The following KDM4C variants were observed in gnomAD, a reference collection of about 807,000 sequenced individuals.
KDM4C encodes the protein lysine demethylase 4C.
In KDM4C, 81 loss-of-function variants were observed where a neutral mutation model predicts 129.3. The ratio of observed to expected loss-of-function variants is 0.63; its 90% confidence interval spans 0.52 to 0.75. The LOEUF is 0.75. Ranked by LOEUF, KDM4C falls within the 30% of genes least tolerant of loss-of-function variation. KDM4C has a pLI of 0.00. For missense variants in KDM4C, 1,457 were observed against 1,304.0 expected (o/e 1.12, Z -1.81); for synonymous variants, 573 against 456.1 (o/e 1.26, Z -3.26).
At chr9:6,981,664 T>C (rs974060838) in intron 9 of KDM4C, among the ~76,000 whole-genome samples, 4 of 152,194 alleles carry the variant, frequency 2.6e-5, no homozygotes, top group Admixed American at 2.6e-4. Flanking sequence ...TCCATCTTTG[T>C]GGCCAGGATC....
intron 17 of KDM4C, among the ~76,000 whole-genome samples, chr9:7,057,838 T>C (rs10976012): frequency 0.014 from 2,134 of 152,312 alleles, 24 homozygotes; most frequent in Non-Finnish European, 0.023. Flanking sequence ...CTGAAAACCG[T>C]AAGATGAATA....
intron 4 of KDM4C, among the ~76,000 whole-genome samples, chr9:6,825,412 C>A (rs1201251371): frequency 6.6e-6 from 1 of 152,212 alleles, no homozygotes; most frequent in Non-Finnish European, 1.5e-5. Context: ...GATGACTTAT[C>A]TATTGCACAT....
At chr9:7,074,560 T>G (rs1485446817) in intron 17 of KDM4C, among the ~76,000 whole-genome samples, 2 of 152,210 alleles carry the variant, frequency 1.3e-5, no homozygotes, top group African/African-American at 4.8e-5. Context: ...TTTGACCACG[T>G]TATTTTTCAG....
At chr9:7,005,863 A>T (rs538483198) in intron 12 of KDM4C, among the ~76,000 whole-genome samples, 37 of 152,348 alleles carry the variant, frequency 2.4e-4, no homozygotes, top group African/African-American at 7.5e-4. Flanking sequence ...AGACTGCATG[A>T]ATGAAGCATT....
chr9:6,923,306 A>G (rs1486785997), intron 8 of KDM4C, among the ~76,000 whole-genome samples: 3 of 151,926 alleles, frequency 2.0e-5, no homozygotes, highest in Admixed American at 1.3e-4. Context: ...TTTTCTGGCT[A>G]TTGTGACTAA....
At chr9:6,738,783 G>C (rs1004813990) in intron 1 of KDM4C, among the ~76,000 whole-genome samples, 3 of 150,100 alleles carry the variant, frequency 2.0e-5, no homozygotes, top group African/African-American at 7.3e-5. Flanking sequence ...TTTTTTTTGA[G>C]AGACAGGGTT....
intron 17 of KDM4C, among the ~76,000 whole-genome samples, chr9:7,096,357 G>A (rs1335186521): frequency 6.6e-6 from 1 of 152,194 alleles, no homozygotes; most frequent in Non-Finnish European, 1.5e-5. Context: ...GTAGTTAAGT[G>A]CAGAGGGGAA....
chr9:7,050,725 A>C (rs969670754), intron 17 of KDM4C, among the ~76,000 whole-genome samples: 2 of 152,170 alleles, frequency 1.3e-5, no homozygotes, highest in African/African-American at 4.8e-5. Context: ...GGCTGCCTCC[A>C]CAGGCCTATG....
intron 17 of KDM4C, among the ~76,000 whole-genome samples, chr9:7,094,888 G>A (rs1442080897): frequency 1.3e-5 from 2 of 152,160 alleles, no homozygotes; most frequent in Admixed American, 6.5e-5. Context: ...AACAATTCAT[G>A]GGTGACAGTT....
At chr9:6,926,103 C>G (rs112995064) in intron 8 of KDM4C, among the ~76,000 whole-genome samples, 8 of 152,078 alleles carry the variant, frequency 5.3e-5, no homozygotes, top group African/African-American at 1.9e-4. Context: ...AAGTCAAGCC[C>G]CTTTAGATGG....
At chr9:6,942,282 A>AGTGTGTGTGTGTGTGTGTGTGT (rs58676459) in intron 8 of KDM4C, among the ~76,000 whole-genome samples, 3 of 142,712 alleles carry the variant, frequency 2.1e-5, no homozygotes, top group Non-Finnish European at 3.0e-5. Flanking sequence ...TAGCCCTCAA[A>AGTGTGTGTGTGTGTGTGTGTGT]GTGTGTGTGT....
chr9:7,041,003 C>G (rs7856928), intron 15 of KDM4C, among the ~76,000 whole-genome samples: 1 of 150,974 alleles, frequency 6.6e-6, no homozygotes, highest in African/African-American at 2.4e-5. Context: ...TTTTAGTACT[C>G]CAATTATACA....
chr9:6,984,285 T>C lies in KDM4C; in HGVS notation c.1235T>C (p.Val412Ala). ...NPDSVTDDLKVSEKSEAAVKL... is the reference protein window; with the variant it reads ...NPDSVTDDLKASEKSEAAVKL... ...GACTCAGTCACAGATGACCTCAAGG[T>C]CAGTGAAAAGTCAGAAGCAGCAGTG... The change falls in exon 10 of 22, where the codon GTC becomes GCC. Residue 412 changes from valine to alanine, a missense_variant. Physicochemically the swap from Val to Ala is moderately conservative, Grantham distance 64. Coordinates refer to ENST00000381309, the MANE Select transcript of KDM4C (RefSeq NM_015061.6). 6.2e-7 allele frequency: 1 copy of C among 1,613,966 alleles called. No homozygotes were observed. The highest frequency in any genetic ancestry group is 8.5e-7 in the Non-Finnish European group (1 of 1,179,926).
At chr9:7,066,859 ATT>A (rs1832490909) in intron 17 of KDM4C, among the ~76,000 whole-genome samples, 1 of 152,208 alleles carries the variant, frequency 6.6e-6, no homozygotes, top group African/African-American at 2.4e-5. Flanking sequence ...TCCAGAGATA[ATT>A]ATCTTTTGAT....
At chr9:6,991,453 T>C (rs2792244) in intron 12 of KDM4C, among the ~76,000 whole-genome samples, 151,164 of 152,224 alleles carry the variant, frequency 0.99, 75,065 homozygotes, top group East Asian at 1. Flanking sequence ...AGATCCCTGA[T>C]TCGTAAGTGT....
intron 19 of KDM4C, among the ~76,000 whole-genome samples, chr9:7,135,375 A>AGGAGTGACTCAGGTATAGCATTTCAT (rs1841088572): frequency 6.6e-6 from 1 of 152,102 alleles, no homozygotes; most frequent in African/African-American, 2.4e-5. Context: ...CTTCCTTCCC[A>AGGAGTGACTCAGGTATAGCATTTCAT]CTTTTTTCTT....
In KDM4C at chr9:6,789,196, C is replaced by T. The variant is rs190884486; in HGVS notation, c.-17-3776C>T. On this transcript the variant is annotated intron_variant, in intron 1 of 21. Transcript: ENST00000381309. ...GCCTCCGAGTAGCTGGGACTATAGG[C>T]GCTCACCATCACGCCTGGCTAATTT... 1.4e-4 allele frequency among the ~76,000 whole-genome samples: 21 copies of T among 149,730 alleles called. 1 individual carries two copies. In the East Asian group the frequency reaches 3.4e-3, roughly 24 times the overall value.
chr9:6,904,394 G>C (rs1817936493), intron 8 of KDM4C, among the ~76,000 whole-genome samples: 2 of 146,008 alleles, frequency 1.4e-5, no homozygotes, highest in South Asian at 4.4e-4. Flanking sequence ...TGTGACAGGT[G>C]GTTTGCAGTG....
chr9:7,031,081 G>A (rs1477616156), intron 15 of KDM4C, among the ~76,000 whole-genome samples: 1 of 151,024 alleles, frequency 6.6e-6, no homozygotes, highest in Non-Finnish European at 1.5e-5. Context: ...ACATGAAATG[G>A]GTTTCCAACT....
Sources: allele counts gnomAD v4.1 joint callset (sites outside exome capture counted in the v4.1 genomes callset), GRCh38; gene constraint gnomAD v4.1.1; transcripts MANE v1.5; gene names NCBI Gene and HGNC (gene_info 2026-07-23, HGNC 2026-07-21).